Variants in CNTNAP2 observed in about 807,000 individuals in gnomAD.
CNTNAP2 encodes the protein contactin-associated protein-like 2.
A neutral mutation model predicts 155.2 loss-of-function variants in CNTNAP2; 98 were observed. The observed-to-expected ratio is 0.63, with a 90% CI of 0.54 to 0.75. CNTNAP2 has a LOEUF of 0.75. Among genes scored for constraint, CNTNAP2 ranks in the 30% least tolerant of loss-of-function variants. The pLI is 0.00. For missense variants in CNTNAP2, 1,727 were observed against 1,688.1 expected (o/e 1.02, Z -0.40); for synonymous variants, 651 against 631.2 (o/e 1.03, Z -0.47).
intron 1 of CNTNAP2, among the ~76,000 whole-genome samples, chr7:146,286,079 T>A (rs1433300779): frequency 7.4e-6 from 1 of 135,092 alleles, no homozygotes; most frequent in African/African-American, 2.9e-5. Flanking sequence ...AGGCAGTTGG[T>A]TTATAGGGGG....
intron 1 of CNTNAP2, among the ~76,000 whole-genome samples, chr7:146,246,854 G>C (rs1020421152): frequency 6.6e-6 from 1 of 152,194 alleles, no homozygotes; most frequent in Non-Finnish European, 1.5e-5. Flanking sequence ...CAAGCTCCTG[G>C]GGGAGGAGGT....
chr7:146,439,086 GCCA>G (rs1477932192), intron 1 of CNTNAP2, among the ~76,000 whole-genome samples: 1 of 151,416 alleles, frequency 6.6e-6, no homozygotes, highest in East Asian at 1.9e-4. Context: ...AAAAAGTACC[GCCA>G]CAGGTGGATG....
intron 3 of CNTNAP2, among the ~76,000 whole-genome samples, chr7:146,943,064 C>T (rs1274505855): frequency 6.6e-6 from 1 of 152,180 alleles, no homozygotes; most frequent in Non-Finnish European, 1.5e-5. Context: ...ACAGACCCCC[C>T]TGTCATGCAG....
At chr7:147,875,025 T>TGTCTCTAGGAAG (rs1799399396) in intron 13 of CNTNAP2, among the ~76,000 whole-genome samples, 1 of 152,230 alleles carries the variant, frequency 6.6e-6, no homozygotes, top group South Asian at 2.1e-4. Context: ...GTCAAAGCCA[T>TGTCTCTAGGAAG]TTCACAAGTC....
chr7:148,079,165 T>G (rs1440680295), intron 15 of CNTNAP2, among the ~76,000 whole-genome samples: 6 of 152,198 alleles, frequency 3.9e-5, no homozygotes, highest in African/African-American at 1.2e-4. Context: ...TGACCAATGG[T>G]CCCGGGAAAT....
intron 1 of CNTNAP2, among the ~76,000 whole-genome samples, chr7:146,711,624 C>T (rs948782307): frequency 1.3e-5 from 2 of 149,006 alleles, no homozygotes; most frequent in Non-Finnish European, 3.0e-5. Context: ...AAGGTGGAAC[C>T]ATTTCAGACT....
At chr7:146,910,943 T>C (rs1796261017) in intron 3 of CNTNAP2, among the ~76,000 whole-genome samples, 1 of 150,984 alleles carries the variant, frequency 6.6e-6, no homozygotes, top group Non-Finnish European at 1.5e-5. Context: ...TGCAATGAAC[T>C]CAAACAAATT....
chr7:148,310,639 G>T (rs574979059), intron 21 of CNTNAP2, among the ~76,000 whole-genome samples: 1 of 152,138 alleles, frequency 6.6e-6, no homozygotes, highest in Non-Finnish European at 1.5e-5. Flanking sequence ...AATTTTGGGG[G>T]TAAGGAAGAC....
chr7:147,781,483 AAGG>A (rs1797661206), intron 13 of CNTNAP2, among the ~76,000 whole-genome samples: 1 of 152,178 alleles, frequency 6.6e-6, no homozygotes, highest in South Asian at 2.1e-4. Flanking sequence ...AGGAAATACT[AAGG>A]AGGATGAAGC....
chr7:146,451,808 C>T (rs1018847506), intron 1 of CNTNAP2, among the ~76,000 whole-genome samples: 18 of 96,526 alleles, frequency 1.9e-4, no homozygotes, highest in African/African-American at 6.2e-4. Flanking sequence ...AAGGTCTCTT[C>T]TATATATATA....
At chr7:146,182,449 AC>A (rs1485734243) in intron 1 of CNTNAP2, among the ~76,000 whole-genome samples, 3 of 152,144 alleles carry the variant, frequency 2.0e-5, no homozygotes, top group African/African-American at 7.2e-5. Context: ...CAAGCAGAGA[AC>A]CATTTCCTTT....
At position 147,450,260 on chromosome 7, in the gene CNTNAP2, T is replaced by C. The variant is rs757668032; in HGVS notation, c.1671-35675T>C. Among the ~76,000 whole-genome samples, 47 of 152,210 alleles carry C rather than the reference T, an allele frequency of 3.1e-4. 1 individual carries two copies. Among genetic ancestry groups the C allele is most frequent in the African/African-American group, 6.3e-4 (26 of 41,452 alleles). ...CATTCCTGACTTGAAGTTGGAGATATCCATGTGAGATGCAATATGAGGAGC... is the reference window on the plus strand; with the variant it reads ...CATTCCTGACTTGAAGTTGGAGATACCCATGTGAGATGCAATATGAGGAGC... On this transcript the variant is annotated intron_variant, in intron 10 of 23. Transcript: ENST00000361727.
At chr7:147,853,661 A>G (rs1798988386) in intron 13 of CNTNAP2, among the ~76,000 whole-genome samples, 1 of 152,190 alleles carries the variant, frequency 6.6e-6, no homozygotes, top group Non-Finnish European at 1.5e-5. Flanking sequence ...ACTCTAACAC[A>G]ATTATTTCTG....
At chr7:146,855,856 CACTT>C (rs1368507138) in intron 3 of CNTNAP2, among the ~76,000 whole-genome samples, 1 of 126,390 alleles carries the variant, frequency 7.9e-6, no homozygotes, top group East Asian at 2.4e-4. Context: ...TATATATACA[CACTT>C]ACATACTACA....
chr7:146,236,095 A>G (rs1345346342), intron 1 of CNTNAP2, among the ~76,000 whole-genome samples: 3 of 152,102 alleles, frequency 2.0e-5, no homozygotes, highest in Non-Finnish European at 4.4e-5. Flanking sequence ...TAATACTGCC[A>G]TATGATGGGT....
chr7:146,193,253 T>A (rs1372914917), intron 1 of CNTNAP2, among the ~76,000 whole-genome samples: 1 of 152,166 alleles, frequency 6.6e-6, no homozygotes, highest in Non-Finnish European at 1.5e-5. Flanking sequence ...TTCTCACAGT[T>A]CCACTAGGCA....
At chr7:148,104,938 T>C (rs1242814250) in intron 15 of CNTNAP2, among the ~76,000 whole-genome samples, 1 of 152,176 alleles carries the variant, frequency 6.6e-6, no homozygotes, top group African/African-American at 2.4e-5. Flanking sequence ...TGATAATAAC[T>C]GGTAGTGGAA....
At chr7:146,855,976 A>G (rs959827087) in intron 3 of CNTNAP2, among the ~76,000 whole-genome samples, 2 of 151,604 alleles carry the variant, frequency 1.3e-5, no homozygotes, top group Non-Finnish European at 2.9e-5. Context: ...ATCATCTAAA[A>G]GAAATCAGAT....
chr7:147,196,533 C>A (rs1328037103), intron 8 of CNTNAP2, among the ~76,000 whole-genome samples: 1 of 152,192 alleles, frequency 6.6e-6, no homozygotes, highest in Non-Finnish European at 1.5e-5. Flanking sequence ...GATGAAGGAA[C>A]ACTGCATTAA....
Sources: allele counts gnomAD v4.1 joint callset (sites outside exome capture counted in the v4.1 genomes callset), GRCh38; gene constraint gnomAD v4.1.1; transcripts MANE v1.5; gene names NCBI Gene and HGNC (gene_info 2026-07-23, HGNC 2026-07-21).